Variants in LRRK1 observed in about 807,000 individuals in gnomAD.
LRRK1 encodes the protein leucine rich repeat kinase 1.
LRRK1 carries 113 observed loss-of-function variants against 209.1 expected under a neutral mutation model. That is an observed-to-expected ratio of 0.54 (90% CI 0.46 to 0.63). The LOEUF is 0.63. LRRK1 is among the 30% of genes least tolerant of loss of function. LRRK1 has a pLI of 0.00. For synonymous variants in LRRK1, 1,144 were observed against 1,099.7 expected, an observed-to-expected ratio of 1.04 and a Z score of -0.80; for missense variants, 2,284 against 2,632.2, an observed-to-expected ratio of 0.87 and a Z score of 2.89.
chr15:101,074,490 G>A lies in LRRK1; in HGVS notation c.*5642G>A, dbSNP rs540978002. The A allele has an allele frequency of 9.2e-5, 14 of 152,116 alleles. No homozygotes were observed. The highest frequency in any genetic ancestry group is 1.5e-4 in the Non-Finnish European group (10 of 68,008). 9.4% of individuals were successfully genotyped at this position (152,116 alleles called of 1,614,324 possible). ...AAAAACCCAGCCCAGTTCATGCCTC[G>A]TTTGGCAGCAACCCTGAGACACTTT... On this transcript the variant is annotated 3_prime_UTR_variant, in exon 34 of 34. Coordinates refer to ENST00000388948, the MANE Select transcript of LRRK1 (RefSeq NM_024652.6).
rs1169978992 is a variant in LRRK1 at position 101,072,798 on chromosome 15, A to G, written c.*3950A>G. The stretch of plus-strand genomic sequence containing the variant: ...CCTTTACCTACCCAAATCTTATAAA[A>G]CGGCCTCACGCCTATCTCCCTTCAC... On this transcript the variant is annotated 3_prime_UTR_variant, in exon 34 of 34. Transcript: ENST00000388948. 6.6e-6 allele frequency: 1 copy of G among 152,156 alleles called. No homozygotes were observed. Among genetic ancestry groups the G allele is most frequent in the Non-Finnish European group, 1.5e-5 (1 of 68,114 alleles). 9.4% of individuals were successfully genotyped at this position (152,156 alleles called of 1,614,324 possible).
chr15:100,982,221 A>G (rs2031642312), intron 3 of LRRK1, among the ~76,000 whole-genome samples: 2 of 152,342 alleles, frequency 1.3e-5, no homozygotes, highest in East Asian at 1.9e-4. Context: ...GACACTGGCC[A>G]TCCCATTCCA....
chr15:100,975,716 C>G (rs781319392), intron 3 of LRRK1, among the ~76,000 whole-genome samples: 1 of 151,980 alleles, frequency 6.6e-6, no homozygotes, highest in African/African-American at 2.4e-5. Context: ...TGGCTAATAC[C>G]CTTCATTGAC....
At chr15:101,062,499 CCT>C in intron 30 of LRRK1, 73 bp from the exon 31 acceptor site, 1 of 1,035,244 alleles carries the variant, frequency 9.7e-7, no homozygotes, top group South Asian at 1.3e-5. Context: ...CCAAGTGCAT[CCT>C]CATGGGAATG....
intron 2 of LRRK1, among the ~76,000 whole-genome samples, chr15:100,960,905 TAATGAGACAGGGTC>T (rs1458637549): frequency 3.3e-5 from 5 of 152,326 alleles, no homozygotes; most frequent in South Asian, 2.1e-4. Context: ...TTTTTCCATC[TAATGAGACAGGGTC>T]ATCTCATGTT....
intron 2 of LRRK1, among the ~76,000 whole-genome samples, chr15:100,954,364 A>G (rs559997094): frequency 2.6e-4 from 39 of 151,952 alleles, no homozygotes; most frequent in African/African-American, 9.4e-4. Context: ...TTTTTTTGCT[A>G]TTAAATCATA....
intron 20 of LRRK1, among the ~76,000 whole-genome samples, chr15:101,037,782 T>G (rs921743520): frequency 7.9e-5 from 12 of 152,190 alleles, no homozygotes; most frequent in Non-Finnish European, 1.8e-4. Flanking sequence ...CACAGTCTGT[T>G]GGGGACAGGG....
intron 10 of LRRK1, among the ~76,000 whole-genome samples, chr15:101,013,942 C>G (rs2033408921): frequency 1.3e-5 from 2 of 152,174 alleles, no homozygotes. Flanking sequence ...CCATGCCACC[C>G]CCACCAGCCG....
chr15:100,947,890 A>G (rs1171840021), intron 2 of LRRK1, among the ~76,000 whole-genome samples: 1 of 152,242 alleles, frequency 6.6e-6, no homozygotes, highest in Non-Finnish European at 1.5e-5. Flanking sequence ...TGTGAGATCC[A>G]GGGAAACGTG....
chr15:101,062,829 G>C, intron 31 of LRRK1, 139 bp downstream of exon 31: 1 of 696,936 alleles, frequency 1.4e-6, no homozygotes, highest in East Asian at 2.5e-5. Context: ...TAGAGACGGT[G>C]GGAGGAAAGA....
chr15:101,046,188 C>T (rs920779268), intron 21 of LRRK1, 36 bp downstream of exon 21: 4 of 1,599,140 alleles, frequency 2.5e-6, no homozygotes, highest in African/African-American at 2.7e-5. Flanking sequence ...GACAGATGCC[C>T]GAGAGCCACC....
intron 2 of LRRK1, among the ~76,000 whole-genome samples, chr15:100,928,274 G>A (rs1460756679): frequency 6.6e-6 from 1 of 152,178 alleles, no homozygotes; most frequent in Non-Finnish European, 1.5e-5. Flanking sequence ...AAGTCTTTCT[G>A]GAATAAATGC....
At chr15:100,939,268 A>G (rs2042358734) in intron 2 of LRRK1, among the ~76,000 whole-genome samples, 1 of 151,912 alleles carries the variant, frequency 6.6e-6, no homozygotes, top group Non-Finnish European at 1.5e-5. Context: ...TTTCTCCCTC[A>G]ATTTCTTTTT....
Position 101,026,003 on chromosome 15 carries a change from G to A in LRRK1, c.2271G>A (p.Thr757=), listed in dbSNP as rs895586916. The change falls in exon 17 of 34, where the codon ACG becomes ACA. Residue 757 remains threonine, a synonymous_variant. Transcript: ENST00000388948. ...APNAVVLVVG[T]HLDLIEAKFR... ...ACGCCGTGGTGCTGGTGGTCGGGAC[G>A]CACCTGGATTTAATTGAAGCCAAGT... The A allele has an allele frequency of 1.1e-5, 17 of 1,614,086 alleles. No homozygotes were observed. The highest frequency in any genetic ancestry group is 5.3e-5 in the African/African-American group (4 of 74,936).
At chr15:101,051,643 A>G (rs931915932) in intron 23 of LRRK1, 68 bp from the exon 24 acceptor site, 1 of 1,461,968 alleles carries the variant, frequency 6.8e-7, no homozygotes, top group South Asian at 1.3e-5. Flanking sequence ...TGGGGTGCAG[A>G]GTGCTGCTCG....
At chr15:101,067,696 T>TGTAA (rs2036613512) in intron 33 of LRRK1, among the ~76,000 whole-genome samples, 1 of 152,176 alleles carries the variant, frequency 6.6e-6, no homozygotes, top group Non-Finnish European at 1.5e-5. Flanking sequence ...ACCCTTACTC[T>TGTAA]GTAAGTGGTT....
At chr15:100,963,857 A>G (rs1440497425) in intron 2 of LRRK1, among the ~76,000 whole-genome samples, 1 of 152,174 alleles carries the variant, frequency 6.6e-6, no homozygotes, top group African/African-American at 2.4e-5. Flanking sequence ...AAGCCTTTCA[A>G]TGTTTTACTG....
At chr15:100,986,145 G>A (rs2031855157) in intron 4 of LRRK1, among the ~76,000 whole-genome samples, 2 of 152,210 alleles carry the variant, frequency 1.3e-5, no homozygotes, top group Admixed American at 1.3e-4. Context: ...GTCCAAGGCT[G>A]CAGTCAGCTA....
intron 3 of LRRK1, among the ~76,000 whole-genome samples, chr15:100,979,751 A>G (rs2031496879): frequency 6.6e-6 from 1 of 152,242 alleles, no homozygotes; most frequent in Non-Finnish European, 1.5e-5. Flanking sequence ...AACAATCCAA[A>G]TAGAAAATGT....
Sources: allele counts gnomAD v4.1 joint callset (sites outside exome capture counted in the v4.1 genomes callset), GRCh38; gene constraint gnomAD v4.1.1; transcripts MANE v1.5; gene names NCBI Gene and HGNC (gene_info 2026-07-23, HGNC 2026-07-21).